The following DNAJC3 variants were observed in gnomAD, a reference collection of about 807,000 sequenced individuals.
The protein encoded by DNAJC3 is dnaJ homolog subfamily C member 3.
DNAJC3 carries 38 observed loss-of-function variants against 68.6 expected under a neutral mutation model. That is an observed-to-expected ratio of 0.55 (90% confidence interval 0.43 to 0.73). The LOEUF (loss-of-function observed/expected upper bound fraction) is 0.73. Among genes scored for constraint, DNAJC3 ranks in the 30% least tolerant of loss-of-function variants. The pLI is 0.00. For missense variants in DNAJC3, 526 were observed against 591.9 expected, an observed-to-expected ratio of 0.89 and a Z score of 1.16; for synonymous variants, 203 against 204.0, an observed-to-expected ratio of 1.00 and a Z score of 0.04.
chr13:95,744,247 T>C (rs1394858438), intron 4 of DNAJC3, among the ~76,000 whole-genome samples: 1 of 152,252 alleles, frequency 6.6e-6, no homozygotes, highest in Non-Finnish European at 1.5e-5. Flanking sequence ...GTAAATGGTA[T>C]GTTTTAAATT....
chr13:95,784,996 G>A (rs1883556357), intron 9 of DNAJC3, among the ~76,000 whole-genome samples: 1 of 152,110 alleles, frequency 6.6e-6, no homozygotes, highest in African/African-American at 2.4e-5. Context: ...GATGTAATGT[G>A]GATAGTCAGC....
chr13:95,759,992 T>C, intron 5 of DNAJC3, 48 bp from the exon 6 acceptor site: 1 of 1,482,896 alleles, frequency 6.7e-7, no homozygotes, highest in Non-Finnish European at 9.0e-7. Context: ...CAACAATGAA[T>C]GTGCATAATT....
intron 1 of DNAJC3, among the ~76,000 whole-genome samples, chr13:95,691,648 G>A (rs55742846): frequency 0.11 from 17,364 of 152,214 alleles, 1,050 homozygotes; most frequent in Middle Eastern, 0.18. Context: ...CTTCCCAGAC[G>A]GGGTGGTGGC....
intron 1 of DNAJC3, chr13:95,692,710 A>C (rs1313392378): frequency 6.6e-6 from 1 of 152,110 alleles, no homozygotes; most frequent in Non-Finnish European, 1.5e-5. Flanking sequence ...TCTAACACAA[A>C]ATGATATCAA....
intron 4 of DNAJC3, among the ~76,000 whole-genome samples, chr13:95,753,293 A>G (rs368551200): frequency 5.9e-5 from 9 of 152,006 alleles, no homozygotes; most frequent in African/African-American, 1.9e-4. Flanking sequence ...CTTGTATACT[A>G]TTGTTTCCAA....
chr13:95,751,421 T>C lies in DNAJC3; in HGVS notation c.394-6223T>C, dbSNP rs114016218. ...AGGAGACCCACTTCAGTTTTTCTCTTGATTAACTGTGTGATGTTGGGCCAG... is the reference window on the plus strand; with the variant it reads ...AGGAGACCCACTTCAGTTTTTCTCTCGATTAACTGTGTGATGTTGGGCCAG... On this transcript the variant is annotated intron_variant, in intron 4 of 11. Coordinates refer to ENST00000602402, the MANE Select transcript of DNAJC3 (RefSeq NM_006260.5). 4.3e-3 allele frequency among the ~76,000 whole-genome samples: 648 copies of C among 152,322 alleles called. 5 individuals are homozygous for C. Among genetic ancestry groups the C allele is most frequent in the African/African-American group, 0.015 (623 of 41,574 alleles).
At chr13:95,763,501 A>T in intron 7 of DNAJC3, 142 bp from the exon 8 acceptor site, 1 of 677,262 alleles carries the variant, frequency 1.5e-6, no homozygotes, top group Non-Finnish European at 2.4e-6. Context: ...ACTCTAGATT[A>T]ATAAGGGAAA....
chr13:95,788,340 T>G (rs1883664706), intron 11 of DNAJC3, among the ~76,000 whole-genome samples: 1 of 152,110 alleles, frequency 6.6e-6, no homozygotes, highest in Admixed American at 6.5e-5. Context: ...TCTTCTTATG[T>G]GAGAGGGACT....
intron 4 of DNAJC3, among the ~76,000 whole-genome samples, chr13:95,733,422 T>C (rs58969975): frequency 0.017 from 2,596 of 152,248 alleles, 80 homozygotes; most frequent in African/African-American, 0.06. Flanking sequence ...GGCAGAGTCT[T>C]GCTCTGTCAC....
In DNAJC3 at chr13:95,794,352, C is replaced by T. The variant is rs1446531866; in HGVS notation, c.*3322C>T. The T allele has an allele frequency of 3.3e-5, 5 of 152,202 alleles. No homozygotes were observed. Among genetic ancestry groups the T allele is most frequent in the Non-Finnish European group, 7.3e-5 (5 of 68,038 alleles). 9.4% of individuals were successfully genotyped at this position (152,202 alleles called of 1,614,324 possible). A position where few individuals can be genotyped will look rare whatever the true frequency, so the allele number is the denominator to read the frequency against. On this transcript the variant is annotated 3_prime_UTR_variant, in exon 12 of 12. Coordinates refer to ENST00000602402, the MANE Select transcript of DNAJC3 (RefSeq NM_006260.5). ...CATGAAAAAACTACATAAAATGGCT[C>T]CCTGGTGAGGTTACAGACACGGCCC...
intron 1 of DNAJC3, among the ~76,000 whole-genome samples, chr13:95,700,683 C>T (rs895883363): frequency 2.0e-5 from 3 of 152,190 alleles, no homozygotes; most frequent in African/African-American, 7.2e-5. Context: ...GGTAGTTGCT[C>T]AGTAAGTTGC....
chr13:95,718,441 AC>A (rs1881219519), intron 2 of DNAJC3, among the ~76,000 whole-genome samples: 2 of 152,324 alleles, frequency 1.3e-5, no homozygotes, highest in South Asian at 4.1e-4. Flanking sequence ...TCGCAGTGTC[AC>A]CCATGCTGGA....
chr13:95,757,601 T>A, intron 4 of DNAJC3, 43 bp from the exon 5 acceptor site: 7 of 1,497,014 alleles, frequency 4.7e-6, no homozygotes, highest in Non-Finnish European at 6.3e-6. Flanking sequence ...GTATCAGATT[T>A]AAGAGATTAA....
chr13:95,776,057 G>C (rs1251939968), intron 9 of DNAJC3, among the ~76,000 whole-genome samples: 2 of 151,512 alleles, frequency 1.3e-5, no homozygotes, highest in African/African-American at 4.9e-5. Flanking sequence ...ACTCCTGGCT[G>C]TGCCTGGCCT....
At chr13:95,740,473 C>CGTAG (rs1882096384) in intron 4 of DNAJC3, among the ~76,000 whole-genome samples, 1 of 150,586 alleles carries the variant, frequency 6.6e-6, no homozygotes, top group African/African-American at 2.4e-5. Context: ...ACTCCGTGGG[C>CGTAG]GTAGGACCCT....
chr13:95,758,973 A>C (rs1195549513), intron 5 of DNAJC3, among the ~76,000 whole-genome samples: 1 of 152,214 alleles, frequency 6.6e-6, no homozygotes, highest in Non-Finnish European at 1.5e-5. Flanking sequence ...ACATTTTTAC[A>C]TTCCCATAGA....
chr13:95,790,691 CTA>C (rs1883741121), intron 11 of DNAJC3, among the ~76,000 whole-genome samples, 180 bp from the exon 12 acceptor site: 1 of 152,046 alleles, frequency 6.6e-6, no homozygotes. Flanking sequence ...GCAAATTTCT[CTA>C]GTCTGTTTCT....
At chr13:95,704,849 G>GTTTTTT (rs1292968162) in intron 1 of DNAJC3, among the ~76,000 whole-genome samples, 3 of 102,884 alleles carry the variant, frequency 2.9e-5, no homozygotes, top group African/African-American at 2.2e-4. Flanking sequence ...CTGTGTGTGT[G>GTTTTTT]TGTTTTTTTT....
intron 2 of DNAJC3, among the ~76,000 whole-genome samples, chr13:95,715,117 T>G (rs1881094697): frequency 6.6e-6 from 1 of 152,230 alleles, no homozygotes; most frequent in Admixed American, 6.5e-5. Flanking sequence ...GGCAGTGTGG[T>G]GGCTTACAAC....
Sources: allele counts gnomAD v4.1 joint callset (sites outside exome capture counted in the v4.1 genomes callset), GRCh38; gene constraint gnomAD v4.1.1; transcripts MANE v1.5; gene names NCBI Gene and HGNC (gene_info 2026-07-23, HGNC 2026-07-21).